TRDN: variants seen among roughly 807,000 people sequenced by gnomAD.
TRDN encodes triadin in skeletal muscle.
A neutral mutation model predicts 149.7 loss-of-function variants in TRDN; 161 were observed. The observed-to-expected ratio is 1.08, with a 90% CI of 0.95 to 1.23. The LOEUF (loss-of-function observed/expected upper bound fraction) is 1.23, where lower values mean the gene tolerates loss of function less well. Ranked by LOEUF, TRDN falls within the 50% of genes most tolerant of loss-of-function variation. The pLI, the probability that TRDN is intolerant of heterozygous loss-of-function variation, is 0.00. For missense variants in TRDN, 896 were observed against 823.5 expected (o/e 1.09, Z -1.08); for synonymous variants, 294 against 250.5 (o/e 1.17, Z -1.64).
chr6:123,320,260 T>C (rs1031862496), intron 23 of TRDN, among the ~76,000 whole-genome samples: 7 of 151,690 alleles, frequency 4.6e-5, no homozygotes, highest in Non-Finnish European at 7.4e-5. Context: ...TGCCACATGG[T>C]AGTCTCTAAG....
chr6:123,519,117 C>T (rs1204540591), intron 5 of TRDN, among the ~76,000 whole-genome samples: 1 of 152,172 alleles, frequency 6.6e-6, no homozygotes, highest in African/African-American at 2.4e-5. Context: ...ACAGAATAAG[C>T]TTCTTGCACC....
intron 18 of TRDN, among the ~76,000 whole-genome samples, chr6:123,376,991 T>C (rs946450873): frequency 6.6e-6 from 1 of 152,194 alleles, no homozygotes; most frequent in Admixed American, 6.5e-5. Context: ...ATATAAATGG[T>C]TTCAGAAATT....
At chr6:123,602,942 ATC>A (rs147957392) in intron 1 of TRDN, among the ~76,000 whole-genome samples, 7,549 of 152,132 alleles carry the variant, frequency 0.05, 604 homozygotes, top group African/African-American at 0.17. Flanking sequence ...TTAAAAAAAA[ATC>A]AGTATGTGAT....
intron 1 of TRDN, among the ~76,000 whole-genome samples, chr6:123,592,571 G>T (rs572090180): frequency 6.6e-6 from 1 of 152,082 alleles, no homozygotes; most frequent in African/African-American, 2.4e-5. Context: ...TAGCTTATCT[G>T]AATAGGATTT....
intron 9 of TRDN, among the ~76,000 whole-genome samples, chr6:123,488,451 C>T (rs758799529): frequency 7.9e-5 from 12 of 152,110 alleles, no homozygotes; most frequent in Non-Finnish European, 1.8e-4. Flanking sequence ...AGCATTGACC[C>T]CACTGTATTC....
intron 1 of TRDN, among the ~76,000 whole-genome samples, chr6:123,599,657 A>G (rs1438107680): frequency 6.6e-6 from 1 of 151,954 alleles, no homozygotes. Context: ...TTGGAGCACA[A>G]ATGTATTTCC....
intron 10 of TRDN, among the ~76,000 whole-genome samples, chr6:123,441,354 A>T (rs1442185781): frequency 6.6e-6 from 1 of 151,994 alleles, no homozygotes; most frequent in Non-Finnish European, 1.5e-5. Context: ...TCTCTTTCTC[A>T]TTGGTTTGCC....
At chr6:123,422,070 A>G (rs954898178) in intron 12 of TRDN, among the ~76,000 whole-genome samples, 1 of 152,182 alleles carries the variant, frequency 6.6e-6, no homozygotes, top group Non-Finnish European at 1.5e-5. Context: ...TTTACATAAC[A>G]TATATTTTGT....
At chr6:123,358,623 C>G (rs1780780986) in intron 20 of TRDN, among the ~76,000 whole-genome samples, 1 of 109,374 alleles carries the variant, frequency 9.1e-6, no homozygotes, top group Non-Finnish European at 1.9e-5. Flanking sequence ...CGCCACCATG[C>G]CTGGCTAATT....
At position 123,435,457 on chromosome 6, in the gene TRDN, C is replaced by A. The variant is rs533702268; in HGVS notation, c.1051+2606G>T. 1.9e-3 allele frequency among the ~76,000 whole-genome samples: 291 copies of A among 151,788 alleles called. 1 individual carries two copies. Among genetic ancestry groups the A allele is most frequent in the Non-Finnish European group, 3.5e-3 (240 of 67,934 alleles). ...AGAATTATTAAACCCTAAAAAGAAA[C>A]GAGTTAAAAACTAGCACTAACTGAA... On this transcript the variant is annotated intron_variant, in intron 12 of 40. Coordinates refer to ENST00000334268, the MANE Select transcript of TRDN (RefSeq NM_006073.4).
chr6:123,306,709 T>C (rs899465461), intron 24 of TRDN, among the ~76,000 whole-genome samples: 1 of 152,118 alleles, frequency 6.6e-6, no homozygotes, highest in Non-Finnish European at 1.5e-5. Flanking sequence ...CTATCCTTTC[T>C]TAATAAATCC....
intron 7 of TRDN, among the ~76,000 whole-genome samples, chr6:123,507,419 A>T (rs1439382525): frequency 6.6e-6 from 1 of 152,136 alleles, no homozygotes; most frequent in East Asian, 1.9e-4. Context: ...AAATAATAAA[A>T]TATTTTCTAC....
intron 23 of TRDN, among the ~76,000 whole-genome samples, chr6:123,322,665 C>A (rs1165394757): frequency 6.9e-6 from 1 of 144,980 alleles, no homozygotes; most frequent in Admixed American, 6.9e-5. Context: ...ATTTTTGAGA[C>A]GGAGTCTCAC....
chr6:123,269,522 T>C (rs149102096), intron 31 of TRDN, among the ~76,000 whole-genome samples: 2 of 152,052 alleles, frequency 1.3e-5, no homozygotes, highest in Non-Finnish European at 2.9e-5. Context: ...CCTATATGGA[T>C]TCCCTCTTTT....
chr6:123,463,020 T>C (rs1776548246), intron 10 of TRDN: 1 of 152,114 alleles, frequency 6.6e-6, no homozygotes, highest in South Asian at 2.1e-4. Context: ...TATTACTAGG[T>C]TCTGGGATGA....
intron 23 of TRDN, among the ~76,000 whole-genome samples, chr6:123,323,301 C>G (rs946455040): frequency 1.3e-5 from 2 of 151,998 alleles, no homozygotes; most frequent in Non-Finnish European, 2.9e-5. Flanking sequence ...AGTGGCTACA[C>G]GAACTAATTT....
At chr6:123,355,707 C>A (rs1780643630) in intron 20 of TRDN, among the ~76,000 whole-genome samples, 1 of 151,658 alleles carries the variant, frequency 6.6e-6, no homozygotes, top group Non-Finnish European at 1.5e-5. Flanking sequence ...ATTAATAGAT[C>A]ATTTTGAGAA....
At chr6:123,574,867 T>TATATATAC (rs1782760199) in intron 1 of TRDN, among the ~76,000 whole-genome samples, 2 of 118,446 alleles carry the variant, frequency 1.7e-5, no homozygotes, top group African/African-American at 4.0e-5. Flanking sequence ...CATATATATA[T>TATATATAC]ATATATATAT....
At chr6:123,433,146 A>ATG (rs1774403428) in intron 12 of TRDN, among the ~76,000 whole-genome samples, 1 of 55,424 alleles carries the variant, frequency 1.8e-5, no homozygotes, top group African/African-American at 6.7e-5. Flanking sequence ...CATCATAAAT[A>ATG]TATATATATA....
Sources: gnomAD v4.1 joint callset for allele counts (sites outside exome capture counted in the v4.1 genomes callset) on GRCh38, gnomAD v4.1.1 for gene constraint, MANE v1.5 for transcripts, NCBI Gene and HGNC (gene_info 2026-07-23, HGNC 2026-07-21) for gene names.